The following SPEN variants were observed in gnomAD, a reference collection of about 807,000 sequenced individuals.
The protein encoded by SPEN is msx2-interacting protein.
SPEN carries 18 observed loss-of-function variants against 269.9 expected under a neutral mutation model. That is an observed-to-expected ratio of 0.07 (90% CI 0.05 to 0.10). The LOEUF (loss-of-function observed/expected upper bound fraction) is 0.10, where lower values mean the gene tolerates loss of function less well. Among genes scored for constraint, SPEN ranks in the 10% least tolerant of loss-of-function variants. The pLI, the probability that SPEN is intolerant of heterozygous loss-of-function variation, is 1.00. For synonymous variants in SPEN, 1,726 were observed against 1,765.7 expected (o/e 0.98, Z 0.56); for missense variants, 3,822 against 4,631.2 (o/e 0.83, Z 5.07).
At chr1:15,918,439 G>A (rs1440983748) in intron 6 of SPEN, among the ~76,000 whole-genome samples, 2 of 152,080 alleles carry the variant, frequency 1.3e-5, no homozygotes, top group Admixed American at 1.3e-4. Flanking sequence ...GGCTGGTGTC[G>A]AACTCCTGAC....
intron 1 of SPEN, among the ~76,000 whole-genome samples, chr1:15,850,095 G>T (rs2070318921): frequency 6.6e-6 from 1 of 152,160 alleles, no homozygotes; most frequent in South Asian, 2.1e-4. Context: ...AGTGGACGGT[G>T]CTGCGGTCTG....
chr1:15,935,714 G>C lies in SPEN; in HGVS notation c.9474G>C (p.Glu3158Asp). 6.2e-7 allele frequency: 1 copy of C among 1,613,472 alleles called. No homozygotes were observed. Among genetic ancestry groups the C allele is most frequent in the South Asian group, 1.1e-5 (1 of 91,060 alleles). ...PALASQHPPE[E>D]EVHYHLPVAR... Reference sequence around the variant, plus strand: ...TGGCCTCCCAGCACCCTCCCGAGGAGGAAGTGCATTATCACCTTCCTGTCG... The same window carrying C: ...TGGCCTCCCAGCACCCTCCCGAGGACGAAGTGCATTATCACCTTCCTGTCG... The change falls in exon 11 of 15, where the codon GAG becomes GAC. Residue 3158 changes from glutamate (E) to aspartate (D), a missense_variant. Physicochemically the swap from Glu to Asp is conservative, Grantham distance 45. This residue lies in a region of SPEN where 153 missense variants were observed against 228.5 expected (regional missense o/e 0.67). Coordinates refer to ENST00000375759, the MANE Select transcript of SPEN (RefSeq NM_015001.3). The surrounding 1 kb of genome is among the most constrained non-coding windows in gnomAD (Gnocchi z 7.7).
intron 3 of SPEN, 21 bp downstream of exon 3, chr1:15,876,699 TATAAC>T: frequency 6.4e-7 from 1 of 1,551,564 alleles, no homozygotes; most frequent in Non-Finnish European, 8.9e-7. Context: ...AGCCTTTTGT[TATAAC>T]AGATGAGCTA....
rs200731520 is a variant in SPEN, at chr1:15,906,453, CTTTTTTTTTTTT to C, written c.882-2854_882-2843del. Among the ~76,000 whole-genome samples, 15 of 92,588 alleles carry C rather than the reference CTTTTTTTTTTTT, an allele frequency of 1.6e-4. No homozygotes were observed. The South Asian group carries it at 4.2e-3, about 26-fold the overall frequency. 60.7% of individuals were successfully genotyped at this position (92,588 alleles called of 152,430 possible). A position where few individuals can be genotyped will look rare whatever the true frequency, so the allele number is the denominator to read the frequency against. On this transcript the variant is annotated intron_variant, in intron 3 of 14. Transcript: ENST00000375759. ...GCTTTCTTTTTCTTTTCTTTCTTTC[CTTTTTTTTTTTT>C]TTTTTTTTTTTTTGAGACAGTCTCG...
intron 3 of SPEN, among the ~76,000 whole-genome samples, chr1:15,898,172 T>TG (rs1491242134): frequency 3.8e-5 from 5 of 130,440 alleles, no homozygotes; most frequent in Non-Finnish European, 6.3e-5. Context: ...TTAATTTATC[T>TG]TTGTGTGTGT....
intron 3 of SPEN, among the ~76,000 whole-genome samples, chr1:15,885,287 A>C (rs2070726201): frequency 6.6e-6 from 1 of 151,934 alleles, no homozygotes; most frequent in South Asian, 2.1e-4. Flanking sequence ...GATTTTAATT[A>C]GTTTGTTCTG....
At chr1:15,882,321 C>G (rs535866293) in intron 3 of SPEN, among the ~76,000 whole-genome samples, 1 of 152,186 alleles carries the variant, frequency 6.6e-6, no homozygotes, top group South Asian at 2.1e-4. Flanking sequence ...TACTTTATTT[C>G]TATAGTTCCC....
chr1:15,887,720 T>TAA (rs572826937), intron 3 of SPEN, among the ~76,000 whole-genome samples: 4 of 139,230 alleles, frequency 2.9e-5, no homozygotes, highest in Admixed American at 7.2e-5. Flanking sequence ...CCTCATCTCT[T>TAA]AAAAAAAAAA....
chr1:15,905,141 G>A (rs1204590513), intron 3 of SPEN, among the ~76,000 whole-genome samples: 1 of 151,830 alleles, frequency 6.6e-6, no homozygotes, highest in Admixed American at 6.6e-5. Flanking sequence ...ACCTGCTTCA[G>A]CCTCCCAAAG....
In SPEN at chr1:15,935,656, C is replaced by T. The variant is rs1388825570; in HGVS notation, c.9416C>T (p.Thr3139Ile). The change falls in exon 11 of 15, where the codon ACC (threonine) becomes ATC (isoleucine). Residue 3139 changes from threonine (T) to isoleucine (I), a missense_variant. Transcript: ENST00000375759. This position sits in a 1 kb window ranked among gnomAD's most constrained non-coding sequence, Gnocchi z 7.7. ...IEVRAPQRAS[T>I]PQPAPAGVPA... Reference sequence around the variant, plus strand: ...GTCAGGGCCCCACAGCGTGCCAGCACCCCGCAGCCAGCCCCAGCTGGTGTG... The same window carrying T: ...GTCAGGGCCCCACAGCGTGCCAGCATCCCGCAGCCAGCCCCAGCTGGTGTG... 5 of 1,613,930 alleles carry T rather than the reference C, an allele frequency of 3.1e-6. No individual in the cohort carries two copies. The African/African-American group carries it at 5.3e-5, about 17-fold the overall frequency.
chr1:15,873,536 A>G (rs2070601977), intron 2 of SPEN: 1 of 996,390 alleles, frequency 1.0e-6, no homozygotes, highest in Non-Finnish European at 1.2e-6. Context: ...TAGAGCCTAC[A>G]GATTCTTTTA....
At chr1:15,872,119 T>A (rs2070583042) in intron 1 of SPEN, among the ~76,000 whole-genome samples, 1 of 149,560 alleles carries the variant, frequency 6.7e-6, no homozygotes, top group African/African-American at 2.5e-5. Flanking sequence ...ATGCCTGTAA[T>A]CCCGGCTTCT....
chr1:15,893,055 G>GCGCA (rs2070804960), intron 3 of SPEN, among the ~76,000 whole-genome samples: 1 of 152,130 alleles, frequency 6.6e-6, no homozygotes, highest in Admixed American at 6.6e-5. Context: ...CTGAGATTGC[G>GCGCA]CCATTGCACT....
intron 3 of SPEN, among the ~76,000 whole-genome samples, chr1:15,900,794 A>G (rs1430964303): frequency 1.3e-5 from 2 of 152,168 alleles, no homozygotes; most frequent in Non-Finnish European, 2.9e-5. Context: ...TCTTGGCACT[A>G]TTCACATTTG....
rs1308982924 is a variant in SPEN at position 15,931,942 on chromosome 1, G to A, written c.5702G>A (p.Arg1901His). Reference sequence around the variant, plus strand: ...AGTTTGCCTCTCAGCCGAACAAGGCGCCGGAATGTAAGGAGCGTCTATGCA... The same window carrying A: ...AGTTTGCCTCTCAGCCGAACAAGGCACCGGAATGTAAGGAGCGTCTATGCA... ...EPSLPLSRTRRRNVRSVYATM... is the reference protein window; with the variant it reads ...EPSLPLSRTRHRNVRSVYATM... Residue 1901 changes from arginine to histidine, a missense_variant, in exon 11 of 15, where the codon CGC (arginine) becomes CAC (histidine). Arg to His is a conservative substitution (Grantham distance 29, BLOSUM62 0). Around this residue, in one of 16 missense-constraint regions of SPEN, gnomAD observed 533 missense variants for 618.8 expected, o/e 0.86. Coordinates refer to ENST00000375759, the MANE Select transcript of SPEN (RefSeq NM_015001.3). This position sits in a 1 kb window ranked among gnomAD's most constrained non-coding sequence, Gnocchi z 4.8. 1 of 1,614,168 alleles carries A rather than the reference G, an allele frequency of 6.2e-7. No individual in the cohort carries two copies. The highest frequency in any genetic ancestry group is 8.5e-7 in the Non-Finnish European group (1 of 1,180,024).
chr1:15,936,194 C>A lies in SPEN; in HGVS notation c.9954C>A (p.Ala3318=). The part of the protein sequence containing the change: ...YGDIRTYHPP[A]QLTHTQFPAA... ...ACATCCGCACCTACCACCCCCCGGC[C>A]CAGCTCACACACACTCAGTTTCCCG... The change falls in exon 11 of 15, where the codon GCC becomes GCA. Residue 3318 remains alanine, a synonymous_variant. Coordinates refer to ENST00000375759, the MANE Select transcript of SPEN (RefSeq NM_015001.3). The A allele has an allele frequency of 6.3e-7, 1 of 1,590,068 alleles. No individual in the cohort carries two copies.
chr1:15,928,334 G>A lies in SPEN; in HGVS notation c.2094G>A (p.Arg698=). 1 of 1,614,074 alleles carries A rather than the reference G, an allele frequency of 6.2e-7. No homozygotes were observed. The highest frequency in any genetic ancestry group is 2.2e-5 in the East Asian group (1 of 44,890). The change falls in exon 11 of 15, where the codon AGG becomes AGA. Residue 698 remains arginine, a synonymous_variant. Transcript: ENST00000375759. This position sits in a 1 kb window ranked among gnomAD's most constrained non-coding sequence, Gnocchi z 5.7. The part of the protein sequence containing the change: ...YEQDIREYSY[R]QRERERERER... ...AAGATATTAGGGAATATAGTTACAG[G>A]CAAAGGGAACGAGAAAGAGAACGTG... is the stretch of plus-strand genomic sequence containing the variant.
chr1:15,909,270 C>T lies in SPEN; in HGVS notation c.882-51C>T, dbSNP rs369841666. On this transcript the variant is annotated intron_variant, in intron 3 of 14. Transcript: ENST00000375759. ...TTTTAAGAAGTTTTCTAATGCTGCT[C>T]ATTTTCTGTTTGTCTTTTCACTAAA... 37 of 1,568,934 alleles carry T rather than the reference C, an allele frequency of 2.4e-5. No homozygotes were observed. In the African/African-American group the frequency reaches 3.4e-4, roughly 15 times the overall value.
At position 15,929,830 on chromosome 1, in the gene SPEN, A is replaced by C. The variant is rs1248208637; in HGVS notation, c.3590A>C (p.Lys1197Thr). 5.0e-6 allele frequency: 8 copies of C among 1,614,180 alleles called. No individual in the cohort carries two copies. The highest frequency in any genetic ancestry group is 1.3e-5 in the African/African-American group (1 of 75,064). The change falls in exon 11 of 15, where the codon AAA becomes ACA. Residue 1197 changes from lysine to threonine, a missense_variant. By Grantham distance (78) the Lys-to-Thr change is moderately conservative. Coordinates refer to ENST00000375759, the MANE Select transcript of SPEN (RefSeq NM_015001.3). The surrounding 1 kb of genome is among the most constrained non-coding windows in gnomAD (Gnocchi z 5.8). ...TCTGAGAAGTTTGGCAGTCCTAAAA[A>C]AGATGTAGATGAATATGAAAGACGT... ...AKSEKFGSPK[K>T]DVDEYERRSL...
Sources: allele counts gnomAD v4.1 joint callset (sites outside exome capture counted in the v4.1 genomes callset), GRCh38; gene constraint gnomAD v4.1.1; regional missense constraint gnomAD v4.1.1; non-coding constraint Gnocchi (gnomAD v3.1); transcripts MANE v1.5; gene names NCBI Gene and HGNC (gene_info 2026-07-23, HGNC 2026-07-21).